RB1: variants seen among roughly 807,000 people sequenced by gnomAD.
The protein encoded by RB1 is RB transcriptional corepressor 1.
A neutral mutation model predicts 135.4 loss-of-function variants in RB1; 18 were observed. The observed-to-expected ratio is 0.13, with a 90% CI of 0.09 to 0.20. The LOEUF is 0.20. RB1 is among the 10% of genes least tolerant of loss of function. The pLI, the probability that RB1 is intolerant of heterozygous loss-of-function variation, is 1.00. For synonymous variants in RB1, 365 were observed against 373.2 expected (o/e 0.98, Z 0.25); for missense variants, 868 against 1,110.0 (o/e 0.78, Z 3.10).
intron 17 of RB1, among the ~76,000 whole-genome samples, chr13:48,409,438 TG>T (rs1332565539): frequency 1.3e-5 from 2 of 152,120 alleles, no homozygotes; most frequent in African/African-American, 4.8e-5. Flanking sequence ...AAGAGTTTTT[TG>T]TCCAAGTTGT....
chr13:48,411,873 A>G (rs147725894), intron 17 of RB1: 8 of 1,613,770 alleles, frequency 5.0e-6, no homozygotes, highest in African/African-American at 1.3e-5. Flanking sequence ...GAAAATTACA[A>G]TCCTTGAGAG....
intron 20 of RB1, among the ~76,000 whole-genome samples, chr13:48,462,032 T>C (rs1949409040): frequency 6.6e-6 from 1 of 151,934 alleles, no homozygotes; most frequent in South Asian, 2.1e-4. Flanking sequence ...GGGGTTTCAT[T>C]ATGTTGGTCA....
At chr13:48,326,989 A>G (rs572314597) in intron 2 of RB1, among the ~76,000 whole-genome samples, 4 of 152,276 alleles carry the variant, frequency 2.6e-5, no homozygotes, top group African/African-American at 9.6e-5. Flanking sequence ...CTTCTATTTC[A>G]GTATCTAAAA....
intron 4 of RB1, among the ~76,000 whole-genome samples, chr13:48,345,777 C>T (rs192381834): frequency 2.0e-4 from 30 of 152,222 alleles, no homozygotes; most frequent in Non-Finnish European, 3.5e-4. Flanking sequence ...TGTTTTGAGG[C>T]TCATTTCATT....
chr13:48,316,212 G>A (rs998006999), intron 2 of RB1, among the ~76,000 whole-genome samples: 1 of 151,646 alleles, frequency 6.6e-6, no homozygotes, highest in Non-Finnish European at 1.5e-5. Flanking sequence ...TTTTTCCAGC[G>A]GACAGCTGTG....
chr13:48,413,104 C>T (rs1183460321), intron 17 of RB1: 2 of 167,016 alleles, frequency 1.2e-5, no homozygotes, highest in African/African-American at 4.8e-5. Context: ...ATCTTGAGGT[C>T]GCTTTCTCTG....
At chr13:48,357,052 A>G (rs1249046391) in intron 6 of RB1, among the ~76,000 whole-genome samples, 5 of 151,846 alleles carry the variant, frequency 3.3e-5, no homozygotes, top group African/African-American at 4.8e-5. Context: ...TACCTTAAAC[A>G]GGATAACATT....
In RB1 at chr13:48,463,702, G is replaced by T. The variant is rs2138342146; in HGVS notation, c.2107-29G>T. ...GAACAAAACCATGTAATAAAATTCT[G>T]ACTACTTTTACATCAATTTATTTAC... On this transcript the variant is annotated intron_variant, in intron 20 of 26. Transcript: ENST00000267163. 2.4e-6 allele frequency: 3 copies of T among 1,275,182 alleles called. No individual in the cohort carries two copies. The South Asian group carries it at 3.6e-5, about 15-fold the overall frequency. 79.0% of individuals were successfully genotyped at this position (1,275,182 alleles called of 1,614,324 possible).
At chr13:48,384,627 G>C (rs1178975840) in intron 17 of RB1, among the ~76,000 whole-genome samples, 1 of 152,126 alleles carries the variant, frequency 6.6e-6, no homozygotes, top group Non-Finnish European at 1.5e-5. Flanking sequence ...ACTGTAGATT[G>C]ATAGGAACAT....
intron 17 of RB1, among the ~76,000 whole-genome samples, chr13:48,438,557 T>G (rs1407515956): frequency 2.0e-5 from 3 of 146,890 alleles, no homozygotes; most frequent in East Asian, 3.9e-4. Flanking sequence ...TACTTATCTG[T>G]TTTTTTTTTC....
At chr13:48,476,585 A>T in intron 24 of RB1, 116 bp from the exon 25 acceptor site, 1 of 1,074,308 alleles carries the variant, frequency 9.3e-7, no homozygotes, top group East Asian at 2.6e-5. Flanking sequence ...CAGAAAATTT[A>T]AATGAAGTTA....
At chr13:48,405,865 T>G (rs1948735272) in intron 17 of RB1, among the ~76,000 whole-genome samples, 1 of 152,248 alleles carries the variant, frequency 6.6e-6, no homozygotes, top group Non-Finnish European at 1.5e-5. Flanking sequence ...TATTTTGCCT[T>G]TTTCTTATAC....
At chr13:48,473,217 A>C (rs1949483026) in intron 23 of RB1, 143 bp from the exon 24 acceptor site, 1 of 642,066 alleles carries the variant, frequency 1.6e-6, no homozygotes, top group South Asian at 1.9e-5. Flanking sequence ...TTCCCAAATG[A>C]ATATAGTTTG....
chr13:48,314,067 AGT>A (rs1221786217), intron 2 of RB1, among the ~76,000 whole-genome samples: 2 of 152,128 alleles, frequency 1.3e-5, no homozygotes, highest in Non-Finnish European at 2.9e-5. Flanking sequence ...TTCTTATGAT[AGT>A]ACCATACTGT....
intron 26 of RB1, among the ~76,000 whole-genome samples, chr13:48,478,339 C>T (rs976527929): frequency 2.6e-5 from 4 of 151,982 alleles, no homozygotes; most frequent in African/African-American, 9.7e-5. Context: ...ATAACTAAAA[C>T]AAAATTTTCT....
intron 6 of RB1, among the ~76,000 whole-genome samples, chr13:48,352,016 G>A (rs1593439486): frequency 6.6e-6 from 1 of 152,080 alleles, no homozygotes; most frequent in African/African-American, 2.4e-5. Context: ...TGTATATGGT[G>A]TAAGGAATGG....
At chr13:48,393,694 G>T (rs1241308892) in intron 17 of RB1, among the ~76,000 whole-genome samples, 1 of 152,102 alleles carries the variant, frequency 6.6e-6, no homozygotes, top group African/African-American at 2.4e-5. Flanking sequence ...CAGGTCTTCT[G>T]ACTGATGCAT....
intron 26 of RB1, among the ~76,000 whole-genome samples, chr13:48,479,243 A>G (rs1045743076): frequency 1.1e-4 from 17 of 152,128 alleles, no homozygotes; most frequent in Non-Finnish European, 2.4e-4. Flanking sequence ...AAAAAAATCC[A>G]TGCCCAGTTT....
At chr13:48,460,299 G>C (rs1048984789) in intron 20 of RB1, among the ~76,000 whole-genome samples, 7 of 151,938 alleles carry the variant, frequency 4.6e-5, no homozygotes, top group African/African-American at 1.7e-4. Flanking sequence ...GAAAATATTA[G>C]ATTCAAATGA....
Sources: allele counts gnomAD v4.1 joint callset (sites outside exome capture counted in the v4.1 genomes callset), GRCh38; gene constraint gnomAD v4.1.1; transcripts MANE v1.5; gene names NCBI Gene and HGNC (gene_info 2026-07-23, HGNC 2026-07-21).